The following FAM135B variants were observed in gnomAD, a reference collection of about 807,000 sequenced individuals.
The protein encoded by FAM135B is family with sequence similarity 135 member B.
Under a neutral mutation model 127.7 loss-of-function variants are expected in FAM135B, and 43 were observed. The ratio of observed to expected loss-of-function variants is 0.34; its 90% CI spans 0.26 to 0.43. The LOEUF is 0.43. Among genes scored for constraint, FAM135B ranks in the 20% least tolerant of loss-of-function variants. The pLI is 1.00. For missense variants in FAM135B, 1,558 were observed against 1,725.6 expected (o/e 0.90, Z 1.72); for synonymous variants, 670 against 665.1 (o/e 1.01, Z -0.11).
intron 9 of FAM135B, among the ~76,000 whole-genome samples, chr8:138,179,847 C>T (rs984352888): frequency 2.0e-5 from 3 of 152,082 alleles, no homozygotes; most frequent in African/African-American, 7.2e-5. Context: ...TGCCACTGCA[C>T]CCAGACAACT....
Position 138,132,901 on chromosome 8 carries a change from T to C in FAM135B, c.4016-103A>G. The C allele has an allele frequency of 1.0e-6, 1 of 981,690 alleles. No homozygotes were observed. The highest frequency in any genetic ancestry group is 2.4e-5 in the East Asian group (1 of 41,764). The allele number at this position is 981,690 out of a possible 1,614,324, so 60.8% of individuals were successfully genotyped here. A position where few individuals can be genotyped will look rare whatever the true frequency, so the allele number is the denominator to read the frequency against. On this transcript the variant is annotated intron_variant, in intron 19 of 19. Coordinates refer to ENST00000395297, the MANE Select transcript of FAM135B (RefSeq NM_015912.4). This position sits in a 1 kb window ranked among gnomAD's most constrained non-coding sequence, Gnocchi z 4.5. The stretch of plus-strand genomic sequence containing the variant: ...TCGAAATTCTGTTCCTGGGCAGACC[T>C]GTTATACAGCAGTTTCCAACCTCTT...
chr8:138,304,918 C>T (rs571501121), intron 3 of FAM135B, among the ~76,000 whole-genome samples: 1 of 152,206 alleles, frequency 6.6e-6, no homozygotes, highest in African/African-American at 2.4e-5. Flanking sequence ...AAGTGCTTCG[C>T]TTAATCAGGA....
At chr8:138,252,569 T>G (rs910474287) in intron 5 of FAM135B, among the ~76,000 whole-genome samples, 5 of 152,178 alleles carry the variant, frequency 3.3e-5, no homozygotes, top group African/African-American at 1.2e-4. Flanking sequence ...GTAGCTCTCC[T>G]GTGCTCTGAA....
intron 7 of FAM135B, among the ~76,000 whole-genome samples, chr8:138,218,222 A>G (rs575235441): frequency 6.6e-6 from 1 of 152,330 alleles, no homozygotes; most frequent in South Asian, 2.1e-4. Context: ...GATAGAAATA[A>G]TTCTACTTCT....
rs1830859129 is a variant in FAM135B, at chr8:138,367,940, T to C, written c.44A>G (p.His15Arg). The change falls in exon 2 of 20, where the codon CAT becomes CGT. Residue 15 changes from histidine to arginine, a missense_variant. Coordinates refer to ENST00000395297, the MANE Select transcript of FAM135B (RefSeq NM_015912.4). ...AAAGAGATCCACATTATAAAATTTATGTAGCTCTACCGAAAACTCAACCGT... is the reference window on the plus strand; with the variant it reads ...AAAGAGATCCACATTATAAAATTTACGTAGCTCTACCGAAAACTCAACCGT... ...QGTVEFSVEL[H>R]KFYNVDLFQR... 2 of 1,613,884 alleles carry C rather than the reference T, an allele frequency of 1.2e-6. No individual in the cohort carries two copies. The highest frequency in any genetic ancestry group is 1.3e-5 in the African/African-American group (1 of 75,022).
intron 9 of FAM135B, among the ~76,000 whole-genome samples, chr8:138,188,197 T>C (rs939032453): frequency 6.6e-6 from 1 of 152,184 alleles, no homozygotes; most frequent in African/African-American, 2.4e-5. Context: ...TTCTTTATCA[T>C]AGAACAGGTA....
rs774733898 is a variant in FAM135B at position 138,152,105 on chromosome 8, C to G, written c.2370G>C (p.Gln790His). The G allele has an allele frequency of 7.4e-6, 12 of 1,613,782 alleles. No homozygotes were observed. Among genetic ancestry groups the G allele is most frequent in the Non-Finnish European group, 6.8e-6 (8 of 1,180,032 alleles). ...EEAAEDADTKQQDGGFAEPSD... is the reference protein window; with the variant it reads ...EEAAEDADTKHQDGGFAEPSD... ...AAGGTTCAGCAAAACCTCCATCTTG[C>G]TGCTTGGTGTCCGCATCTTCAGCAG... Residue 790 changes from glutamine to histidine, a missense_variant, in exon 13 of 20, where the codon CAG becomes CAC. By Grantham distance (24) the Gln-to-His change is conservative. Around this residue, in one of 5 missense-constraint regions of FAM135B, gnomAD observed 923 missense variants for 865.3 expected, o/e 1.07. Coordinates refer to ENST00000395297, the MANE Select transcript of FAM135B (RefSeq NM_015912.4).
chr8:138,171,127 G>A (rs999868619), intron 11 of FAM135B, among the ~76,000 whole-genome samples: 1 of 152,132 alleles, frequency 6.6e-6, no homozygotes, highest in African/African-American at 2.4e-5. Context: ...CCCATCATGG[G>A]ACTTCTTGGT....
At chr8:138,137,348 T>C (rs954033071) in intron 18 of FAM135B, 88 bp from the exon 19 acceptor site, 8 of 759,448 alleles carry the variant, frequency 1.1e-5, no homozygotes, top group East Asian at 2.4e-5. Context: ...TCCAGACTTG[T>C]CCTATAGAGA....
intron 5 of FAM135B, among the ~76,000 whole-genome samples, chr8:138,256,197 T>G (rs1822078609): frequency 6.6e-6 from 1 of 151,830 alleles, no homozygotes; most frequent in African/African-American, 2.4e-5. Flanking sequence ...AGAAAGCAGT[T>G]CCAAGAAAGA....
intron 2 of FAM135B, among the ~76,000 whole-genome samples, chr8:138,321,997 T>C (rs891670375): frequency 1.3e-5 from 2 of 152,224 alleles, no homozygotes; most frequent in Admixed American, 6.5e-5. Context: ...ACCGGTCTTG[T>C]CTACATGAGC....
intron 10 of FAM135B, among the ~76,000 whole-genome samples, chr8:138,178,284 A>G (rs1019716249): frequency 6.6e-6 from 1 of 152,036 alleles, no homozygotes; most frequent in Non-Finnish European, 1.5e-5. Context: ...CTTTTTCCAA[A>G]ATACTTTTAA....
At chr8:138,173,436 G>T (rs947189013) in intron 11 of FAM135B, among the ~76,000 whole-genome samples, 9 of 152,140 alleles carry the variant, frequency 5.9e-5, no homozygotes, top group African/African-American at 2.2e-4. Flanking sequence ...CCATGCTTGT[G>T]TCGCTTGCTG....
At chr8:138,285,069 T>C (rs1824565179) in intron 3 of FAM135B, among the ~76,000 whole-genome samples, 1 of 149,906 alleles carries the variant, frequency 6.7e-6, no homozygotes, top group South Asian at 2.1e-4. Context: ...TATAGAGAAG[T>C]CAAAGTATTC....
At chr8:138,255,698 T>C (rs886598881) in intron 5 of FAM135B, among the ~76,000 whole-genome samples, 1 of 152,184 alleles carries the variant, frequency 6.6e-6, no homozygotes, top group Non-Finnish European at 1.5e-5. Context: ...TTGTGAGGCA[T>C]CACTACATCA....
At chr8:138,405,189 T>G (rs1270951645) in intron 1 of FAM135B, among the ~76,000 whole-genome samples, 1 of 151,942 alleles carries the variant, frequency 6.6e-6, no homozygotes, top group African/African-American at 2.4e-5. Flanking sequence ...GCATTTTCAA[T>G]GAGTAGTAAT....
At chr8:138,437,870 T>A (rs1835540385) in intron 1 of FAM135B, 1 of 152,222 alleles carries the variant, frequency 6.6e-6, no homozygotes, top group Non-Finnish European at 1.5e-5. Context: ...CAAATATTCT[T>A]ATTAAGAATA....
chr8:138,141,444 C>T lies in FAM135B; in HGVS notation c.3639-95G>A. On this transcript the variant is annotated intron_variant, in intron 16 of 19. Transcript: ENST00000395297. This position sits in a 1 kb window ranked among gnomAD's most constrained non-coding sequence, Gnocchi z 4.7. ...AAGCATCAGGGGCCATTGTTCTCCA[C>T]CTCCCACTGAATGTAGGGGAACTGG... 2 of 1,251,218 alleles carry T rather than the reference C, an allele frequency of 1.6e-6. No homozygotes were observed. The highest frequency in any genetic ancestry group is 2.3e-6 in the Non-Finnish European group (2 of 869,884). 77.5% of individuals were successfully genotyped at this position (1,251,218 alleles called of 1,614,324 possible).
At chr8:138,182,904 T>C (rs1171371936) in intron 9 of FAM135B, among the ~76,000 whole-genome samples, 1 of 152,198 alleles carries the variant, frequency 6.6e-6, no homozygotes, top group Non-Finnish European at 1.5e-5. Flanking sequence ...TTTGTAAAGT[T>C]TTCCCAGGTG....
Sources: allele counts gnomAD v4.1 joint callset (sites outside exome capture counted in the v4.1 genomes callset), GRCh38; gene constraint gnomAD v4.1.1; regional missense constraint gnomAD v4.1.1; non-coding constraint Gnocchi (gnomAD v3.1); transcripts MANE v1.5; gene names NCBI Gene and HGNC (gene_info 2026-07-23, HGNC 2026-07-21).